RBP5: variants seen among roughly 807,000 people sequenced by gnomAD.
RBP5 encodes retinol-binding protein 5.
RBP5 carries 12 observed loss-of-function variants against 17.8 expected under a neutral mutation model. That is an observed-to-expected ratio of 0.67 (90% CI 0.43 to 1.09). RBP5 has a LOEUF of 1.09. Among genes scored for constraint, RBP5 ranks in the 50% least tolerant of loss-of-function variants. RBP5 has a pLI of 0.00. For missense variants in RBP5, 172 were observed against 169.4 expected, an observed-to-expected ratio of 1.02 and a Z score of -0.09; for synonymous variants, 64 against 68.1, an observed-to-expected ratio of 0.94 and a Z score of 0.30.
downstream of RBP5, chr12:7,120,802 G>A (rs1218716581): frequency 6.6e-6 from 1 of 152,584 alleles, no homozygotes; most frequent in Non-Finnish European, 1.5e-5. Context: ...GAGGCGGGCA[G>A]ATTGCTTGAG....
chr12:7,127,409 T>G (rs1427797243), intron 2 of RBP5: 1 of 407,704 alleles, frequency 2.5e-6, no homozygotes, highest in Non-Finnish European at 4.5e-6. Flanking sequence ...GGATTATGGG[T>G]GTGAGCCACC....
rs1291089068 is a variant in RBP5 at position 7,128,880 on chromosome 12, GAC to G, written c.-107_-106del. Reference sequence around the variant, plus strand: ...GATTCCAGCCAGCTCCACACACAGAGACAGGATGTGTAATGGCCGGGTTACCA... The same window carrying G: ...GATTCCAGCCAGCTCCACACACAGAGAGGATGTGTAATGGCCGGGTTACCA... On this transcript the variant is annotated 5_prime_UTR_variant, in exon 1 of 4. Coordinates refer to ENST00000266560, the MANE Select transcript of RBP5 (RefSeq NM_031491.4). The surrounding 1 kb of genome is among the most constrained non-coding windows in gnomAD (Gnocchi z 5.3). The G allele has an allele frequency of 2.2e-6, 2 of 908,892 alleles. No homozygotes were observed. The highest frequency in any genetic ancestry group is 3.3e-5 in the African/African-American group (2 of 60,592). 56.3% of individuals were successfully genotyped at this position (908,892 alleles called of 1,614,324 possible). A position where few individuals can be genotyped will look rare whatever the true frequency, so the allele number is the denominator to read the frequency against.
rs2135781251 is a variant in RBP5, at chr12:7,124,083, A to G, written c.*38T>C. 1 of 1,601,922 alleles carries G rather than the reference A, an allele frequency of 6.2e-7. No individual in the cohort carries two copies. The highest frequency in any genetic ancestry group is 8.6e-7 in the Non-Finnish European group (1 of 1,168,946). ...AGGGGGCACAACAAGAGCGTCTGTG[A>G]GCTGGTGCTGTCTGGAGGGATCTTG... On this transcript the variant is annotated 3_prime_UTR_variant, in exon 4 of 4. Coordinates refer to ENST00000266560, the MANE Select transcript of RBP5 (RefSeq NM_031491.4). The surrounding 1 kb of genome is among the most constrained non-coding windows in gnomAD (Gnocchi z 5.3).
chr12:7,129,584 T>C (rs753216465), upstream of RBP5: 13 of 982,962 alleles, frequency 1.3e-5, no homozygotes, highest in Admixed American at 6.1e-5. This position sits in a 1 kb window ranked among gnomAD's most constrained non-coding sequence, Gnocchi z 5.5. Context: ...GAGTCATCGA[T>C]GAGACCGTAA....
At chr12:7,122,961 T>A (rs1591607589), downstream of RBP5, among the ~76,000 whole-genome samples, 1 of 152,036 alleles carries the variant, frequency 6.6e-6, no homozygotes, top group Non-Finnish European at 1.5e-5. Context: ...CTTGTGTGCA[T>A]GGGGGGGCCA....
downstream of RBP5, chr12:7,119,393 G>A (rs142115081): frequency 1.5e-3 from 232 of 151,794 alleles, 3 homozygotes; most frequent in African/African-American, 5.4e-3. Flanking sequence ...ATGCTGTCCC[G>A]GGGAGCCCAG....
At chr12:7,126,517 GTGTGTGT>G (rs1565645356) in intron 2 of RBP5, among the ~76,000 whole-genome samples, 8,031 of 87,668 alleles carry the variant, frequency 0.092, 304 homozygotes, top group East Asian at 0.17. Context: ...GGTGGTGTGT[GTGTGTGT>G]GTGTGTGTGT....
rs1406287256 is a variant in RBP5, at chr12:7,123,997, CCCAGAGGGAGGAAAGGTGG to C, written c.*105_*123del. 1.1e-6 allele frequency: 1 copy of C among 894,808 alleles called. No individual in the cohort carries two copies. Among genetic ancestry groups the C allele is most frequent in the Non-Finnish European group, 1.9e-6 (1 of 538,224 alleles). 55.4% of individuals were successfully genotyped at this position (894,808 alleles called of 1,614,324 possible). ...TAACACGGGGAGGGGTGAGGAGGGA[CCCAGAGGGAGGAAAGGTGG>C]CCAGAGGAAGGGACAGCTGACCTGG... On this transcript the variant is annotated 3_prime_UTR_variant, in exon 4 of 4. Coordinates refer to ENST00000266560, the MANE Select transcript of RBP5 (RefSeq NM_031491.4).
chr12:7,118,065 C>T (rs187254953), intron 3 of RBP5: 1 of 152,244 alleles, frequency 6.6e-6, no homozygotes, highest in Non-Finnish European at 1.5e-5. Flanking sequence ...CCTTTTGTTT[C>T]CTCCAAGACT....
At chr12:7,126,621 G>T (rs1939170177) in intron 2 of RBP5, among the ~76,000 whole-genome samples, 1 of 151,434 alleles carries the variant, frequency 6.6e-6, no homozygotes, top group Non-Finnish European at 1.5e-5. Context: ...CTCTGGCCTG[G>T]CTGGTTATTG....
downstream of RBP5, chr12:7,121,068 C>T (rs1163024475): frequency 6.6e-6 from 1 of 152,098 alleles, no homozygotes; most frequent in Admixed American, 6.6e-5. Context: ...AAAAGTGGTC[C>T]CAGGCCAGGT....
At position 7,128,792 on chromosome 12, in the gene RBP5, TC is replaced by T. The variant is rs1327993097; in HGVS notation, c.-18del. 2 of 1,585,896 alleles carry T rather than the reference TC, an allele frequency of 1.3e-6. No individual in the cohort carries two copies. On this transcript the variant is annotated 5_prime_UTR_variant, in exon 1 of 4. Transcript: ENST00000266560. The surrounding 1 kb of genome is among the most constrained non-coding windows in gnomAD (Gnocchi z 5.3). ...GGGAGGCATTGTGTGGATGAAGGTTTCAGGAGAATGCAGGAGACAGGGTGAG... is the reference window on the plus strand; with the variant it reads ...GGGAGGCATTGTGTGGATGAAGGTTTAGGAGAATGCAGGAGACAGGGTGAG...
chr12:7,115,960 T>C (rs1307459047), exon 4 of RBP5: 1 of 152,178 alleles, frequency 6.6e-6, no homozygotes, highest in African/African-American at 2.4e-5. Flanking sequence ...GGGATGGCAC[T>C]AAACCATTAG....
At chr12:7,128,983 T>TG, upstream of RBP5, 1 of 550,662 alleles carries the variant, frequency 1.8e-6, no homozygotes. The surrounding 1 kb of genome is among the most constrained non-coding windows in gnomAD (Gnocchi z 5.3). Context: ...ATGGTGAGTT[T>TG]GGGGGTGGTG....
downstream of RBP5, among the ~76,000 whole-genome samples, chr12:7,123,127 C>G (rs1364969277): frequency 6.6e-6 from 1 of 152,098 alleles, no homozygotes; most frequent in Non-Finnish European, 1.5e-5. Flanking sequence ...CTGAAAGAGC[C>G]AAGGCCCCTG....
In RBP5 at chr12:7,128,260, C is replaced by G. The variant is rs747556208; in HGVS notation, c.232G>C (p.Val78Leu). The G allele has an allele frequency of 6.8e-6, 11 of 1,613,166 alleles. No individual in the cohort carries two copies. The South Asian group carries it at 1.2e-4, about 18-fold the overall frequency. The part of the protein sequence containing the change: ...GVEFEEDLRS[V>L]DGRKCQTIVT... ...TGTACCTGGCATTTTCGTCCGTCCA[C>G]GCTCCTGAGGTCCTCCTCAAACTCC... Residue 78 changes from valine (V) to leucine (L), a missense_variant, in exon 2 of 4, where the codon GTG becomes CTG. Val to Leu is a conservative substitution (Grantham distance 32). Coordinates refer to ENST00000266560, the MANE Select transcript of RBP5 (RefSeq NM_031491.4). The surrounding 1 kb of genome is among the most constrained non-coding windows in gnomAD (Gnocchi z 5.3).
exon 4 of RBP5, chr12:7,115,865 A>T (rs1053985133): frequency 6.6e-6 from 1 of 152,340 alleles, no homozygotes; most frequent in African/African-American, 2.4e-5. Context: ...TTCACATGGC[A>T]GCAGGAGAAA....
chr12:7,120,590 G>A (rs748260565), downstream of RBP5: 16 of 155,656 alleles, frequency 1.0e-4, no homozygotes, highest in South Asian at 2.6e-3. Flanking sequence ...ATTCTCATCT[G>A]CCCATAATCA....
exon 4 of RBP5, chr12:7,116,275 C>T (rs1939003446): frequency 6.6e-6 from 1 of 152,178 alleles, no homozygotes; most frequent in Admixed American, 6.5e-5. Flanking sequence ...TCAAACTGAC[C>T]ATCCAGGTTT....
Sources: allele counts gnomAD v4.1 joint callset (sites outside exome capture counted in the v4.1 genomes callset), GRCh38; gene constraint gnomAD v4.1.1; non-coding constraint Gnocchi (gnomAD v3.1); transcripts MANE v1.5; gene names NCBI Gene and HGNC (gene_info 2026-07-23, HGNC 2026-07-21).